Variants in CLDN16 observed in about 807,000 individuals in gnomAD.
CLDN16 encodes claudin 16, also known as claudin-16.
CLDN16 carries 13 observed loss-of-function variants against 24.6 expected under a neutral mutation model. The observed-to-expected ratio is 0.53, with a 90% confidence interval of 0.34 to 0.84. The LOEUF is 0.84. Ranked by LOEUF, CLDN16 falls within the 40% of genes least tolerant of loss-of-function variation. CLDN16 has a pLI of 0.01. For missense variants in CLDN16, 298 were observed against 292.7 expected, an observed-to-expected ratio of 1.02 and a Z score of -0.13; for synonymous variants, 116 against 106.7, an observed-to-expected ratio of 1.09 and a Z score of -0.54.
At chr3:190,301,960 G>A in the CLDN16 span, among the ~76,000 whole-genome samples, 1 of 152,092 alleles carries the variant, frequency 6.6e-6, no homozygotes, top group Non-Finnish European at 1.5e-5. Context: ...AGTAAAAGAG[G>A]AAGTCTTTAG....
chr3:190,314,882 C>A, the CLDN16 span, among the ~76,000 whole-genome samples: 2 of 152,152 alleles, frequency 1.3e-5, no homozygotes, highest in East Asian at 3.9e-4. Flanking sequence ...GACCCACACA[C>A]TTATCTCAAG....
At chr3:190,301,455 C>T in the CLDN16 span, among the ~76,000 whole-genome samples, 1 of 151,468 alleles carries the variant, frequency 6.6e-6, no homozygotes, top group East Asian at 2.0e-4. Flanking sequence ...AGATCGCACA[C>T]TGCATTCCAG....
chr3:190,400,424 G>C (rs1407306960), intron 1 of CLDN16, among the ~76,000 whole-genome samples: 1 of 151,822 alleles, frequency 6.6e-6, no homozygotes, highest in Non-Finnish European at 1.5e-5. Flanking sequence ...GTAGAGACGG[G>C]GTTTCACCAT....
intron 1 of CLDN16, among the ~76,000 whole-genome samples, chr3:190,338,189 G>A: frequency 6.6e-6 from 1 of 152,078 alleles, no homozygotes; most frequent in Non-Finnish European, 1.5e-5. Flanking sequence ...CAATTTTAGA[G>A]CCTGTGGATC....
intron 3 of CLDN16, 132 bp downstream of exon 3, chr3:190,405,058 A>G: frequency 1.1e-6 from 1 of 877,574 alleles, no homozygotes; most frequent in South Asian, 1.4e-5. Flanking sequence ...GAAAAACTAA[A>G]GGTCACTTCT....
At chr3:190,301,293 G>A in the CLDN16 span, among the ~76,000 whole-genome samples, 52 of 152,158 alleles carry the variant, frequency 3.4e-4, no homozygotes, top group African/African-American at 1.2e-3. Flanking sequence ...TCAGGAGTTC[G>A]AGACCAGCCT....
chr3:190,321,504 AATC>A (rs1716920225), upstream of CLDN16, among the ~76,000 whole-genome samples: 1 of 152,212 alleles, frequency 6.6e-6, no homozygotes, highest in Non-Finnish European at 1.5e-5. Flanking sequence ...ACTATGAAAA[AATC>A]ATATTAAAGG....
At chr3:190,357,736 G>T (rs1455687079) in intron 1 of CLDN16, among the ~76,000 whole-genome samples, 1 of 151,876 alleles carries the variant, frequency 6.6e-6, no homozygotes, top group Non-Finnish European at 1.5e-5. Context: ...GATTGCAAAT[G>T]TACCTCTTTC....
intron 1 of CLDN16, among the ~76,000 whole-genome samples, chr3:190,363,650 G>A (rs1199234343): frequency 7.2e-6 from 1 of 139,618 alleles, no homozygotes; most frequent in East Asian, 2.2e-4. Flanking sequence ...TTAGTTACTT[G>A]CAAGAGTTGA....
chr3:190,347,762 G>A (rs558976524), intron 1 of CLDN16, among the ~76,000 whole-genome samples: 2 of 152,290 alleles, frequency 1.3e-5, no homozygotes, highest in Non-Finnish European at 2.9e-5. Flanking sequence ...TTTGGAGGAT[G>A]AAAGTAGGTT....
intron 1 of CLDN16, among the ~76,000 whole-genome samples, chr3:190,333,567 TATCTATCTATCTATCA>T (rs879402273): frequency 0.033 from 4,220 of 127,256 alleles, 88 homozygotes; most frequent in East Asian, 0.11. Context: ...TCTATCTATC[TATCTATCTATCTATCA>T]ATCATCTTTC....
At position 190,408,323 on chromosome 3, in the gene CLDN16, G is replaced by C. The variant is rs138308105; in HGVS notation, c.392G>C (p.Gly131Ala). The C allele has an allele frequency of 4.8e-5, 77 of 1,613,964 alleles. 1 individual carries two copies. The African/African-American group carries it at 8.8e-4, about 18-fold the overall frequency. The change falls in exon 4 of 5, where the codon GGA (glycine) becomes GCA (alanine). Residue 131 changes from glycine (G) to alanine (A), a missense_variant. Gly to Ala is a moderately conservative substitution (Grantham distance 60). Coordinates refer to ENST00000264734, the MANE Select transcript of CLDN16 (RefSeq NM_006580.4). ...GATLLIAGTPGIIGSVWYAVD... is the reference protein window; with the variant it reads ...GATLLIAGTPAIIGSVWYAVD... ...CCTCCCTTTCTTTCAGGTACCCCAG[G>C]AATCATTGGCTCTGTGTGGTATGCT...
intron 1 of CLDN16, among the ~76,000 whole-genome samples, chr3:190,397,171 T>A (rs1718841590): frequency 6.6e-6 from 1 of 152,208 alleles, no homozygotes; most frequent in Non-Finnish European, 1.5e-5. Context: ...GCTTTCCTCA[T>A]GCTTGTGACT....
chr3:190,409,840 TG>T, intron 4 of CLDN16, 62 bp from the exon 5 acceptor site: 1 of 1,472,952 alleles, frequency 6.8e-7, no homozygotes, highest in Middle Eastern at 1.8e-4. Flanking sequence ...ACATATAAAA[TG>T]GTATTTTATA....
At chr3:190,314,684 G>A in the CLDN16 span, among the ~76,000 whole-genome samples, 13,513 of 152,046 alleles carry the variant, frequency 0.089, 1,203 homozygotes, top group African/African-American at 0.23. Flanking sequence ...GATTACAGAC[G>A]TGAGCCACTA....
intron 1 of CLDN16, among the ~76,000 whole-genome samples, chr3:190,326,111 T>C (rs1021051707): frequency 6.6e-6 from 1 of 152,214 alleles, no homozygotes; most frequent in Non-Finnish European, 1.5e-5. Context: ...TCCTTGTGAC[T>C]CACATTTTTT....
intron 4 of CLDN16, among the ~76,000 whole-genome samples, chr3:190,408,912 A>G (rs1183151026): frequency 4.0e-5 from 6 of 149,004 alleles, no homozygotes; most frequent in Non-Finnish European, 8.9e-5. Flanking sequence ...ATACGTATAC[A>G]TAGTACATAT....
the CLDN16 span, among the ~76,000 whole-genome samples, chr3:190,296,618 C>A: frequency 6.7e-6 from 1 of 149,092 alleles, no homozygotes; most frequent in Non-Finnish European, 1.5e-5. Context: ...GGTGCCATCT[C>A]GGCTCACTGC....
chr3:190,392,323 T>C (rs1301727851), intron 1 of CLDN16, among the ~76,000 whole-genome samples: 1 of 152,124 alleles, frequency 6.6e-6, no homozygotes, highest in African/African-American at 2.4e-5. Context: ...ACTCTCTCTC[T>C]TTCCCTCCTA....
Sources: allele counts gnomAD v4.1 joint callset (sites outside exome capture counted in the v4.1 genomes callset), GRCh38; gene constraint gnomAD v4.1.1; transcripts MANE v1.5; gene names NCBI Gene and HGNC (gene_info 2026-07-23, HGNC 2026-07-21).